Variants in RBMS3 observed in about 807,000 individuals in gnomAD.
RBMS3 encodes RNA-binding motif, single-stranded-interacting protein 3.
RBMS3 carries 27 observed loss-of-function variants against 66.8 expected under a neutral mutation model. That is an observed-to-expected ratio of 0.40 (90% CI 0.30 to 0.56). The LOEUF is 0.56. Ranked by LOEUF, RBMS3 falls within the 20% of genes least tolerant of loss-of-function variation. The probability of loss-of-function intolerance (pLI) is 0.40; values close to 1 mark genes in which losing one functional copy is unlikely to be tolerated. For missense variants in RBMS3, 513 were observed against 549.5 expected, an observed-to-expected ratio of 0.93 and a Z score of 0.66; for synonymous variants, 188 against 183.0, an observed-to-expected ratio of 1.03 and a Z score of -0.22.
rs539810145 is a variant in RBMS3 at position 29,376,542 on chromosome 3, G to A, written c.76-58201G>A. On this transcript the variant is annotated intron_variant, in intron 1 of 14. Transcript: ENST00000383767. ...TCCCAGCACTTTGGGAGACTGAGGC[G>A]GGTGGATCACCTGAGGTCAGGAGTT... Among the ~76,000 whole-genome samples the A allele has an allele frequency of 2.6e-5, 4 of 152,122 alleles. No individual in the cohort carries two copies. In the East Asian group the frequency reaches 5.8e-4, roughly 22 times the overall value.
intron 3 of RBMS3, among the ~76,000 whole-genome samples, chr3:29,537,248 G>A (rs1033525420): frequency 1.3e-5 from 2 of 152,154 alleles, no homozygotes; most frequent in Non-Finnish European, 2.9e-5. Context: ...AGTTCCAGTG[G>A]AATTTGAAAT....
chr3:29,581,747 C>T (rs1002037360), intron 3 of RBMS3, among the ~76,000 whole-genome samples: 2 of 152,178 alleles, frequency 1.3e-5, no homozygotes, highest in Non-Finnish European at 1.5e-5. Context: ...GACAGTCATT[C>T]TGAAGAGGTG....
intron 7 of RBMS3, among the ~76,000 whole-genome samples, chr3:29,878,734 A>T (rs1328023715): frequency 6.6e-6 from 1 of 152,120 alleles, no homozygotes; most frequent in Non-Finnish European, 1.5e-5. Flanking sequence ...CTCACCCCAC[A>T]TTATGGAAAT....
At chr3:29,565,752 T>C (rs2046719879) in intron 3 of RBMS3, among the ~76,000 whole-genome samples, 1 of 152,150 alleles carries the variant, frequency 6.6e-6, no homozygotes, top group African/African-American at 2.4e-5. Context: ...TTAGAAAAGG[T>C]AGTTCTTTAT....
At chr3:29,636,785 G>A (rs541579836) in intron 4 of RBMS3, among the ~76,000 whole-genome samples, 23 of 151,740 alleles carry the variant, frequency 1.5e-4, no homozygotes, top group Non-Finnish European at 2.4e-4. Flanking sequence ...CATGGGAGGC[G>A]GTTTTCCAAA....
chr3:29,732,398 C>T (rs1416574242), intron 4 of RBMS3, among the ~76,000 whole-genome samples: 2 of 152,164 alleles, frequency 1.3e-5, no homozygotes, highest in Non-Finnish European at 2.9e-5. Flanking sequence ...ATCTGTTTCA[C>T]ACAGTGTATC....
At chr3:29,827,781 T>A (rs2058248234) in intron 6 of RBMS3, among the ~76,000 whole-genome samples, 1 of 152,164 alleles carries the variant, frequency 6.6e-6, no homozygotes, top group Non-Finnish European at 1.5e-5. Flanking sequence ...CCAAACAGCC[T>A]ATTGACAAGG....
At chr3:29,893,722 G>A (rs2060057375) in intron 8 of RBMS3, among the ~76,000 whole-genome samples, 1 of 151,492 alleles carries the variant, frequency 6.6e-6, no homozygotes, top group Admixed American at 6.6e-5. Context: ...GCCCCTGCAT[G>A]CTTAGAAATT....
chr3:29,620,436 T>C (rs1268511997), intron 4 of RBMS3, among the ~76,000 whole-genome samples: 2 of 152,154 alleles, frequency 1.3e-5, no homozygotes, highest in African/African-American at 4.8e-5. Flanking sequence ...TCACTTCTCA[T>C]TGAAGTCGCC....
chr3:29,360,350 A>T (rs2037501122), intron 1 of RBMS3, among the ~76,000 whole-genome samples: 1 of 151,586 alleles, frequency 6.6e-6, no homozygotes, highest in South Asian at 2.1e-4. Context: ...CATGTAGTTG[A>T]GTGGTTTTGA....
intron 2 of RBMS3, among the ~76,000 whole-genome samples, chr3:29,444,879 C>A (rs949263281): frequency 2.3e-5 from 3 of 132,972 alleles, no homozygotes; most frequent in Non-Finnish European, 4.7e-5. Context: ...TTTCCTCTAT[C>A]ATCTCCATCT....
At chr3:29,477,255 G>A (rs377725704) in intron 2 of RBMS3, among the ~76,000 whole-genome samples, 23 of 152,126 alleles carry the variant, frequency 1.5e-4, no homozygotes, top group African/African-American at 4.8e-4. Flanking sequence ...TGTATAAAAA[G>A]CAATGTATCT....
At chr3:29,645,619 T>C (rs916194907) in intron 4 of RBMS3, among the ~76,000 whole-genome samples, 7 of 152,262 alleles carry the variant, frequency 4.6e-5, no homozygotes, top group African/African-American at 1.7e-4. Flanking sequence ...TTCTGAATAC[T>C]GTTCATTTTC....
At chr3:29,920,920 G>A (rs2060758941) in intron 10 of RBMS3, among the ~76,000 whole-genome samples, 1 of 151,124 alleles carries the variant, frequency 6.6e-6, no homozygotes, top group Non-Finnish European at 1.5e-5. Context: ...TTTTAATTAA[G>A]TTTGAATTGT....
intron 6 of RBMS3, among the ~76,000 whole-genome samples, chr3:29,851,429 A>G (rs575172716): frequency 1.3e-5 from 2 of 152,290 alleles, no homozygotes; most frequent in African/African-American, 4.8e-5. Context: ...ACTGGTTCTG[A>G]CACTTATTAG....
chr3:29,688,187 ATTC>A (rs1299344674), intron 4 of RBMS3, among the ~76,000 whole-genome samples: 1 of 151,968 alleles, frequency 6.6e-6, no homozygotes, highest in Non-Finnish European at 1.5e-5. Flanking sequence ...ACCTCCTGTT[ATTC>A]TTAGCCAGTA....
At chr3:29,502,565 T>C (rs555030452) in intron 3 of RBMS3, among the ~76,000 whole-genome samples, 3 of 151,472 alleles carry the variant, frequency 2.0e-5, no homozygotes, top group East Asian at 3.9e-4. Flanking sequence ...GGGGTTCTAG[T>C]TCTGTTTGTC....
intron 4 of RBMS3, among the ~76,000 whole-genome samples, chr3:29,678,087 A>G (rs2051328394): frequency 6.6e-6 from 1 of 152,186 alleles, no homozygotes; most frequent in South Asian, 2.1e-4. Flanking sequence ...TTACTACATT[A>G]AGGAACTAGG....
intron 6 of RBMS3, among the ~76,000 whole-genome samples, chr3:29,806,731 G>A (rs998764516): frequency 7.9e-5 from 12 of 151,994 alleles, no homozygotes; most frequent in African/African-American, 2.6e-4. Flanking sequence ...GCAGGTTTCT[G>A]GACTGTGGTA....
Sources: allele counts gnomAD v4.1 joint callset (sites outside exome capture counted in the v4.1 genomes callset), GRCh38; gene constraint gnomAD v4.1.1; transcripts MANE v1.5; gene names NCBI Gene and HGNC (gene_info 2026-07-23, HGNC 2026-07-21).